The following ATP11C variants were observed in gnomAD, a reference collection of about 807,000 sequenced individuals.
ATP11C encodes the protein phospholipid-transporting ATPase IG.
In ATP11C, 36 loss-of-function variants were observed where a neutral mutation model predicts 97.4. The observed-to-expected ratio is 0.37, with a 90% CI of 0.28 to 0.49. The LOEUF is 0.49. Among genes scored for constraint, ATP11C ranks in the 20% least tolerant of loss-of-function variants. ATP11C has a pLI of 0.98. For missense variants in ATP11C, 730 were observed against 824.6 expected (o/e 0.89, Z 1.40); for synonymous variants, 275 against 290.9 (o/e 0.95, Z 0.56).
chrX:139,731,223 C>G (rs1418463221), intron 29 of ATP11C, among the ~76,000 whole-genome samples: 1 of 111,786 alleles, frequency 8.9e-6, no homozygotes, highest in Non-Finnish European at 1.9e-5. Context: ...ACATAATTCC[C>G]AAGAGAACAT....
rs1471866887 is a variant in ATP11C, at chrX:139,797,191, C to T, written c.993G>A (p.Glu331=). The T allele has an allele frequency of 3.3e-6, 4 of 1,200,565 alleles. No individual in the cohort carries two copies. The highest frequency in any genetic ancestry group is 2.3e-4 in the Middle Eastern group (1 of 4,333). Residue 331 remains glutamate, a synonymous_variant, in exon 11 of 30, where the codon GAG becomes GAA. Coordinates refer to ENST00000682941, the MANE Select transcript of ATP11C (RefSeq NM_001353812.2). Reference sequence around the variant, plus strand: ...AACAAATTACCTTCAAGGTCTCTCGCTCTTTCTGAGTCTTTTGGTTATACC... The same window carrying T: ...AACAAATTACCTTCAAGGTCTCTCGTTCTTTCTGAGTCTTTTGGTTATACC... ...EPWYNQKTQK[E]RETLKVLKMF...
intron 1 of ATP11C, among the ~76,000 whole-genome samples, chrX:139,897,900 C>A (rs1469029343): frequency 1.9e-5 from 2 of 105,785 alleles, no homozygotes; most frequent in African/African-American, 6.9e-5. Context: ...CCACTGCACT[C>A]CAGCCTGGGC....
intron 1 of ATP11C, among the ~76,000 whole-genome samples, chrX:139,904,275 C>G (rs754807314): frequency 1.3e-4 from 14 of 111,427 alleles, no homozygotes; most frequent in African/African-American, 4.2e-4. Context: ...CGCCTGTAAT[C>G]CCAACACTTT....
intron 24 of ATP11C, among the ~76,000 whole-genome samples, chrX:139,747,639 T>G (rs1364061810): frequency 8.9e-6 from 1 of 111,869 alleles, no homozygotes; most frequent in Non-Finnish European, 1.9e-5. Context: ...AAGCATCCAA[T>G]TATGTCATCT....
intron 20 of ATP11C, among the ~76,000 whole-genome samples, chrX:139,764,737 T>C (rs1281769725): frequency 8.9e-6 from 1 of 112,113 alleles, no homozygotes; most frequent in Non-Finnish European, 1.9e-5. Context: ...TTTAGTTGTA[T>C]TAAATAGTAC....
chrX:139,900,820 T>A (rs1171723394), intron 1 of ATP11C, among the ~76,000 whole-genome samples: 1 of 112,238 alleles, frequency 8.9e-6, no homozygotes, highest in Non-Finnish European at 1.9e-5. Flanking sequence ...AATGTTTGGG[T>A]TCCCCCTCCA....
intron 26 of ATP11C, among the ~76,000 whole-genome samples, chrX:139,743,175 T>TCA (rs745426001): frequency 0.025 from 2,641 of 107,748 alleles, 30 homozygotes; most frequent in Non-Finnish European, 0.033. Context: ...CTTAACATAA[T>TCA]CACACACACA....
rs1436435421 is a variant in ATP11C at position 139,850,780 on chromosome X, C to T, written c.28-23957G>A. On this transcript the variant is annotated intron_variant, in intron 1 of 29. Coordinates refer to ENST00000682941, the MANE Select transcript of ATP11C (RefSeq NM_001353812.2). ...ACAAACAATTAGCCAGGCGTAGTGGCGGGCACCTATAATCCCAGCTACTCG... is the reference window on the plus strand; with the variant it reads ...ACAAACAATTAGCCAGGCGTAGTGGTGGGCACCTATAATCCCAGCTACTCG... 2.7e-5 allele frequency among the ~76,000 whole-genome samples: 3 copies of T among 109,684 alleles called. No individual in the cohort carries two copies. The East Asian group carries it at 8.7e-4, about 32-fold the overall frequency.
chrX:139,812,622 G>A (rs971837851), intron 5 of ATP11C, among the ~76,000 whole-genome samples: 7 of 105,604 alleles, frequency 6.6e-5, no homozygotes, highest in African/African-American at 7.0e-5. Context: ...TCGGATCACC[G>A]CAGCCTCAAC....
chrX:139,865,747 C>T (rs1210640628), intron 1 of ATP11C, among the ~76,000 whole-genome samples: 2 of 110,204 alleles, frequency 1.8e-5, no homozygotes, highest in East Asian at 2.9e-4. Flanking sequence ...GGTGACAGAG[C>T]GAGACCCTGT....
At chrX:139,822,327 G>A (rs1357875934) in intron 2 of ATP11C, among the ~76,000 whole-genome samples, 6 of 112,162 alleles carry the variant, frequency 5.3e-5, no homozygotes, top group Non-Finnish European at 9.4e-5. Context: ...CTCCTGAGTA[G>A]CTGGGACTAC....
At chrX:139,869,339 AAC>A (rs1382715242) in intron 1 of ATP11C, among the ~76,000 whole-genome samples, 1 of 109,449 alleles carries the variant, frequency 9.1e-6, no homozygotes, top group African/African-American at 3.5e-5. Flanking sequence ...CAGGAATTTA[AAC>A]AAATATTTAC....
At chrX:139,733,452 A>G (rs2081385787) in intron 28 of ATP11C, among the ~76,000 whole-genome samples, 1 of 112,243 alleles carries the variant, frequency 8.9e-6, no homozygotes, top group Non-Finnish European at 1.9e-5. Context: ...CTAAAGTAAC[A>G]TTTGTTTCCA....
In ATP11C at chrX:139,851,284, C is replaced by A. The variant is rs138211532; in HGVS notation, c.28-24461G>T. The stretch of plus-strand genomic sequence containing the variant: ...CAAGGGAGCCCAGGTGAGGATCGAG[C>A]TGCTGCTCCACAAAGTCCATGCCAT... On this transcript the variant is annotated intron_variant, in intron 1 of 29. Coordinates refer to ENST00000682941, the MANE Select transcript of ATP11C (RefSeq NM_001353812.2). Among the ~76,000 whole-genome samples, 138 of 112,532 alleles carry A rather than the reference C, an allele frequency of 1.2e-3. No homozygotes were observed. In the East Asian group the frequency reaches 0.038, roughly 31 times the overall value.
At chrX:139,894,587 T>A (rs1324554894) in intron 1 of ATP11C, among the ~76,000 whole-genome samples, 1 of 111,209 alleles carries the variant, frequency 9.0e-6, no homozygotes, top group Non-Finnish European at 1.9e-5. Flanking sequence ...GTGACTATAG[T>A]TAACAATAAT....
intron 1 of ATP11C, among the ~76,000 whole-genome samples, chrX:139,920,175 A>G (rs934397678): frequency 4.6e-5 from 5 of 109,375 alleles, no homozygotes; most frequent in African/African-American, 1.7e-4. Context: ...TAGCCAACAT[A>G]GCAAAACCCC....
intron 17 of ATP11C, 28 bp from the exon 18 acceptor site, chrX:139,782,756 T>C: frequency 1.9e-6 from 2 of 1,053,465 alleles, no homozygotes; most frequent in Admixed American, 6.1e-5. Flanking sequence ...GATCTGTAGT[T>C]ATTCTAATAA....
In ATP11C at chrX:139,798,596, A is replaced by G. The variant is rs1387792797; in HGVS notation, c.775+83T>C. The G allele has an allele frequency of 6.3e-6, 5 of 798,045 alleles. No individual in the cohort carries two copies. The Admixed American group carries it at 1.2e-4, about 18-fold the overall frequency. 65.8% of individuals were successfully genotyped at this position (798,045 alleles called of 1,213,427 possible). On this transcript the variant is annotated intron_variant, in intron 9 of 29. Coordinates refer to ENST00000682941, the MANE Select transcript of ATP11C (RefSeq NM_001353812.2). The stretch of plus-strand genomic sequence containing the variant: ...GTTTAAATTAAATGGCAAACCTGCC[A>G]TGTTTACTTTTTAATATGCACTATT...
intron 1 of ATP11C, among the ~76,000 whole-genome samples, chrX:139,842,980 C>T (rs909176107): frequency 4.2e-4 from 47 of 112,174 alleles, no homozygotes; most frequent in Non-Finnish European, 7.5e-4. Flanking sequence ...CTCATTTTCT[C>T]GCCAAGTATC....
Sources: allele counts gnomAD v4.1 joint callset (sites outside exome capture counted in the v4.1 genomes callset), GRCh38; gene constraint gnomAD v4.1.1; transcripts MANE v1.5; gene names NCBI Gene and HGNC (gene_info 2026-07-23, HGNC 2026-07-21).